Variants in FBXO21 observed in about 807,000 individuals in gnomAD.
FBXO21 encodes the protein F-box only protein 21.
In FBXO21, 32 loss-of-function variants were observed where a neutral mutation model predicts 76.6. The ratio of observed to expected loss-of-function variants is 0.42; its 90% CI spans 0.32 to 0.56. The LOEUF (loss-of-function observed/expected upper bound fraction) is 0.56. Ranked by LOEUF, FBXO21 falls within the 20% of genes least tolerant of loss-of-function variation. FBXO21 has a pLI of 0.16. For missense variants in FBXO21, 586 were observed against 797.3 expected (o/e 0.73, Z 3.19); for synonymous variants, 328 against 311.5 (o/e 1.05, Z -0.56).
chr12:117,168,197 A>G lies in FBXO21; in HGVS notation c.1014-1120T>C, dbSNP rs1016448034. ...TTTGGTTGCTAAAAAAGTCCAGTCG[A>G]ATTTCTTCCTTGAGTCATATTTATA... is the stretch of plus-strand genomic sequence containing the variant. On this transcript the variant is annotated intron_variant, in intron 7 of 11. Coordinates refer to ENST00000622495, the MANE Select transcript of FBXO21 (RefSeq NM_015002.3). Among the ~76,000 whole-genome samples, 4 of 152,138 alleles carry G rather than the reference A, an allele frequency of 2.6e-5. No individual in the cohort carries two copies. The South Asian group carries it at 8.3e-4, about 32-fold the overall frequency.
intron 11 of FBXO21, among the ~76,000 whole-genome samples, chr12:117,151,415 A>G (rs373294412): frequency 1.3e-5 from 2 of 152,338 alleles, no homozygotes; most frequent in South Asian, 2.1e-4. Flanking sequence ...AAGATGTCAT[A>G]TATGTATGTG....
At chr12:117,170,221 A>T (rs1355639281) in intron 7 of FBXO21, among the ~76,000 whole-genome samples, 1 of 152,064 alleles carries the variant, frequency 6.6e-6, no homozygotes, top group Non-Finnish European at 1.5e-5. Flanking sequence ...AAAAGATAAC[A>T]TCTTTTTAAG....
At chr12:117,163,267 T>C (rs1956006355) in intron 9 of FBXO21, among the ~76,000 whole-genome samples, 1 of 152,266 alleles carries the variant, frequency 6.6e-6, no homozygotes, top group Admixed American at 6.5e-5. Flanking sequence ...GCACGGTGGC[T>C]CACGCCTGCA....
intron 11 of FBXO21, 189 bp downstream of exon 11, chr12:117,155,602 C>T (rs1345676557): frequency 1.4e-5 from 9 of 660,198 alleles, no homozygotes; most frequent in Non-Finnish European, 2.3e-5. Flanking sequence ...ACTGACCCCT[C>T]GCCAGGGCGG....
intron 4 of FBXO21, among the ~76,000 whole-genome samples, chr12:117,176,134 A>G (rs1956171329): frequency 6.6e-6 from 1 of 152,240 alleles, no homozygotes; most frequent in Admixed American, 6.5e-5. Flanking sequence ...TGATCCTAAC[A>G]CAAGGACCAC....
chr12:117,180,118 TCTTA>T (rs1344717261), intron 3 of FBXO21, among the ~76,000 whole-genome samples: 20 of 151,680 alleles, frequency 1.3e-4, no homozygotes, highest in Admixed American at 1.1e-3. Flanking sequence ...GTGTCAGTTT[TCTTA>T]CTATCTGGTT....
At chr12:117,182,559 A>G (rs559425041) in intron 3 of FBXO21, among the ~76,000 whole-genome samples, 2,980 of 126,770 alleles carry the variant, frequency 0.024, 46 homozygotes, top group Non-Finnish European at 0.032. Context: ...CCACAGCAAG[A>G]GGATCTTTTT....
At chr12:117,174,501 G>A in intron 5 of FBXO21, 150 bp downstream of exon 5, 1 of 1,172,550 alleles carries the variant, frequency 8.5e-7, no homozygotes, top group South Asian at 1.4e-5. Flanking sequence ...AAGTGTTTTA[G>A]GTTCAACACT....
At chr12:117,180,892 C>T (rs1202163354) in intron 3 of FBXO21, among the ~76,000 whole-genome samples, 1 of 152,162 alleles carries the variant, frequency 6.6e-6, no homozygotes, top group Non-Finnish European at 1.5e-5. Context: ...CTCAGCCTCC[C>T]AAAGTGCTGG....
At chr12:117,170,346 C>T (rs1286522374) in intron 7 of FBXO21, among the ~76,000 whole-genome samples, 3 of 152,168 alleles carry the variant, frequency 2.0e-5, no homozygotes, top group African/African-American at 4.8e-5. Context: ...TCCCTGGCTC[C>T]AATCAACAGA....
intron 11 of FBXO21, chr12:117,155,308 T>C (rs4767505): frequency 0.59 from 92,115 of 156,682 alleles, 28,574 homozygotes; most frequent in African/African-American, 0.8. Flanking sequence ...AACCTTACTG[T>C]ACACTTGCGG....
Position 117,190,470 on chromosome 12 carries a change from C to A in FBXO21, c.-14G>T. 1 of 1,198,454 alleles carries A rather than the reference C, an allele frequency of 8.3e-7. No homozygotes were observed. Among genetic ancestry groups the A allele is most frequent in the Non-Finnish European group, 1.1e-6 (1 of 892,432 alleles). The allele number at this position is 1,198,454 out of a possible 1,614,324, so 74.2% of individuals were successfully genotyped here. A position where few individuals can be genotyped will look rare whatever the true frequency, so the allele number is the denominator to read the frequency against. ...TGCCGCCGCCATCTTGTCCGCGTAC[C>A]TGGGGCCGCCGCGCGCGCGCGTGCG... On this transcript the variant is annotated 5_prime_UTR_variant, in exon 1 of 12. Transcript: ENST00000622495.
chr12:117,169,188 C>T (rs1184917236), intron 7 of FBXO21, among the ~76,000 whole-genome samples: 1 of 152,144 alleles, frequency 6.6e-6, no homozygotes, highest in Non-Finnish European at 1.5e-5. Context: ...ATGGATGGAG[C>T]TAGAGCCATC....
chr12:117,151,147 G>A (rs539304404), intron 11 of FBXO21, among the ~76,000 whole-genome samples: 2 of 152,250 alleles, frequency 1.3e-5, no homozygotes, highest in South Asian at 2.1e-4. Context: ...ACTTAAGAAC[G>A]AGATTTTCAC....
In FBXO21 at chr12:117,174,240, C is replaced by T; in HGVS notation, c.841G>A (p.Asp281Asn). The change falls in exon 6 of 12, where the codon GAT becomes AAT. Residue 281 changes from aspartate to asparagine, a missense_variant. Physicochemically the swap from Asp to Asn is conservative, Grantham distance 23 (BLOSUM62 1). This residue lies in a region of FBXO21 where 246 missense variants were observed against 356.8 expected (regional missense o/e 0.69). Transcript: ENST00000622495. The stretch of plus-strand genomic sequence containing the variant: ...TATAAGTTGAGGGCATTATAGTAAT[C>T]CATTCGATTCCCCTTGAACTTCAGT... ...DQLKFKGNRM[D>N]YYNALNLYMH... 6.2e-7 allele frequency: 1 copy of T among 1,613,244 alleles called. No homozygotes were observed. Among genetic ancestry groups the T allele is most frequent in the Non-Finnish European group, 8.5e-7 (1 of 1,179,200 alleles).
intron 9 of FBXO21, among the ~76,000 whole-genome samples, chr12:117,160,469 A>G (rs1017903571): frequency 1.3e-5 from 2 of 152,294 alleles, no homozygotes; most frequent in African/African-American, 4.8e-5. Context: ...CGATGGCTTC[A>G]GGTCAGGATG....
chr12:117,162,552 C>T (rs920723715), intron 9 of FBXO21, among the ~76,000 whole-genome samples: 3 of 152,176 alleles, frequency 2.0e-5, no homozygotes, highest in Non-Finnish European at 4.4e-5. Flanking sequence ...CTCACCATCC[C>T]GCCCTCTCTA....
intron 1 of FBXO21, 50 bp from the exon 2 acceptor site, chr12:117,189,412 C>T (rs1298205593): frequency 7.5e-6 from 12 of 1,608,836 alleles, no homozygotes; most frequent in Non-Finnish European, 1.0e-5. Flanking sequence ...CAAAGGCAGG[C>T]GGCCACGAAT....
chr12:117,171,376 A>G (rs953149630), intron 7 of FBXO21, among the ~76,000 whole-genome samples: 1 of 151,726 alleles, frequency 6.6e-6, no homozygotes, highest in African/African-American at 2.4e-5. Context: ...AAAAAAAAAA[A>G]AAAAAGAAAT....
Sources: gnomAD v4.1 joint callset for allele counts (sites outside exome capture counted in the v4.1 genomes callset) on GRCh38, gnomAD v4.1.1 for gene constraint, gnomAD v4.1.1 regional missense constraint, MANE v1.5 for transcripts, NCBI Gene and HGNC (gene_info 2026-07-23, HGNC 2026-07-21) for gene names.